Variants in MTCL1 observed in about 807,000 individuals in gnomAD.
MTCL1 encodes microtubule crosslinking factor 1, also known as microtubule cross-linking factor 1.
In MTCL1, 79 loss-of-function variants were observed where a neutral mutation model predicts 141.4. The ratio of observed to expected loss-of-function variants is 0.56; its 90% CI spans 0.47 to 0.67. The LOEUF (loss-of-function observed/expected upper bound fraction) is 0.67. Ranked by LOEUF, MTCL1 falls within the 30% of genes least tolerant of loss-of-function variation. The probability of loss-of-function intolerance (pLI) is 0.00; values close to 1 mark genes in which losing one functional copy is unlikely to be tolerated. For synonymous variants in MTCL1, 914 were observed against 875.8 expected, an observed-to-expected ratio of 1.04 and a Z score of -0.77; for missense variants, 2,177 against 2,113.9, an observed-to-expected ratio of 1.03 and a Z score of -0.59.
chr18:8,829,633 A>G (rs1303870738), intron 16 of MTCL1: 2 of 985,398 alleles, frequency 2.0e-6, no homozygotes, highest in Non-Finnish European at 2.4e-6. Context: ...GATCAAGGAT[A>G]TAGTCATCCA....
intron 1 of MTCL1, among the ~76,000 whole-genome samples, chr18:8,711,681 A>G (rs1247655703): frequency 6.6e-6 from 1 of 151,566 alleles, no homozygotes; most frequent in African/African-American, 2.4e-5. Flanking sequence ...GGCTGCATAA[A>G]TGTCTTCTTT....
chr18:8,724,065 T>C (rs2096191392), intron 4 of MTCL1, among the ~76,000 whole-genome samples: 1 of 152,158 alleles, frequency 6.6e-6, no homozygotes, highest in East Asian at 1.9e-4. Context: ...TAGAGCGAGA[T>C]AGAGGTGGTG....
Position 8,812,978 on chromosome 18 carries a change from G to T in MTCL1, c.2605-1G>T. On this transcript the variant is annotated splice_acceptor_variant, in intron 11 of 16. Transcript: ENST00000359865. LOFTEE classifies it high-confidence loss of function. ...ATTCCTAAGTCTCTTCTCCTTGACA[G>T]CTGGAAGAGAAGACTGAGAACAAGT... The T allele has an allele frequency of 6.2e-7, 1 of 1,607,682 alleles. No individual in the cohort carries two copies. The highest frequency in any genetic ancestry group is 8.5e-7 in the Non-Finnish European group (1 of 1,174,788).
chr18:8,823,695 G>T (rs149717639), intron 14 of MTCL1, among the ~76,000 whole-genome samples: 14 of 152,330 alleles, frequency 9.2e-5, no homozygotes, highest in African/African-American at 3.4e-4. Flanking sequence ...CTTTTAGCCT[G>T]CTGTTTTACC....
At chr18:8,823,732 G>A (rs1415557180) in intron 14 of MTCL1, among the ~76,000 whole-genome samples, 2 of 152,238 alleles carry the variant, frequency 1.3e-5, no homozygotes, top group Non-Finnish European at 1.5e-5. Flanking sequence ...ATGGACGGGT[G>A]CCTTGCCCCC....
intron 11 of MTCL1, chr18:8,809,664 C>T (rs2076415857): frequency 6.7e-7 from 1 of 1,494,810 alleles, no homozygotes; most frequent in Non-Finnish European, 8.9e-7. Flanking sequence ...GGCCTGGTGG[C>T]CGGTTCATGA....
At chr18:8,782,944 G>A (rs990335546) in intron 5 of MTCL1, among the ~76,000 whole-genome samples, 2 of 152,218 alleles carry the variant, frequency 1.3e-5, no homozygotes, top group Admixed American at 1.3e-4. Flanking sequence ...CCTGTCTCAG[G>A]TACCTTAGGA....
At chr18:8,788,111 C>T (rs1395442210) in intron 7 of MTCL1, among the ~76,000 whole-genome samples, 1 of 152,176 alleles carries the variant, frequency 6.6e-6, no homozygotes, top group Non-Finnish European at 1.5e-5. Flanking sequence ...GTACACAAAG[C>T]TCCCATAAGT....
intron 4 of MTCL1, among the ~76,000 whole-genome samples, chr18:8,731,041 C>T (rs1378681034): frequency 6.6e-6 from 1 of 152,018 alleles, no homozygotes; most frequent in Non-Finnish European, 1.5e-5. Context: ...GTCAGGAGAT[C>T]AAGACCATCC....
chr18:8,797,914 G>C (rs574163), intron 9 of MTCL1, among the ~76,000 whole-genome samples, 183 bp from the exon 9 acceptor site: 128,546 of 152,266 alleles, frequency 0.84, 54,564 homozygotes, highest in Middle Eastern at 0.92. Flanking sequence ...CCACCCTGTG[G>C]TCTTTAAATG....
chr18:8,827,211 C>T (rs1443901753), intron 15 of MTCL1, among the ~76,000 whole-genome samples: 2 of 152,204 alleles, frequency 1.3e-5, no homozygotes, highest in Non-Finnish European at 2.9e-5. Context: ...TCCTGGTCTG[C>T]CCGCTGCTTC....
chr18:8,771,682 T>C, intron 4 of MTCL1, among the ~76,000 whole-genome samples: 1 of 152,252 alleles, frequency 6.6e-6, no homozygotes, highest in East Asian at 1.9e-4. Flanking sequence ...AAAGTCCAAA[T>C]AATTGCCTAA....
intron 4 of MTCL1, among the ~76,000 whole-genome samples, chr18:8,724,856 C>G (rs150221705): frequency 1.3e-5 from 2 of 152,204 alleles, no homozygotes; most frequent in African/African-American, 4.8e-5. Flanking sequence ...AGAATTATCC[C>G]TTCCCACTAG....
intron 4 of MTCL1, among the ~76,000 whole-genome samples, chr18:8,742,416 G>A (rs1268923358): frequency 6.6e-6 from 1 of 152,164 alleles, no homozygotes; most frequent in Non-Finnish European, 1.5e-5. Flanking sequence ...CACATGGCTG[G>A]GGAGGCCTTA....
chr18:8,706,672 C>T, exon 1 of MTCL1: 1 of 1,546,426 alleles, frequency 6.5e-7, no homozygotes, highest in South Asian at 1.2e-5. Flanking sequence ...AGAGCTGCTG[C>T]GGGAGATGGA....
chr18:8,759,416 G>C (rs1274454180), intron 4 of MTCL1, among the ~76,000 whole-genome samples: 1 of 152,230 alleles, frequency 6.6e-6, no homozygotes, highest in Non-Finnish European at 1.5e-5. Flanking sequence ...CTGGAACATT[G>C]ACTCTTTGAG....
At chr18:8,709,198 T>TG (rs1192392732) in intron 1 of MTCL1, among the ~76,000 whole-genome samples, 2 of 129,894 alleles carry the variant, frequency 1.5e-5, no homozygotes, top group African/African-American at 2.5e-5. Context: ...CCGTTTTTTG[T>TG]GGTTTTTTTT....
At chr18:8,751,852 A>G (rs2096373181) in intron 4 of MTCL1, among the ~76,000 whole-genome samples, 1 of 152,228 alleles carries the variant, frequency 6.6e-6, no homozygotes, top group Non-Finnish European at 1.5e-5. Flanking sequence ...AAGTTGTTTC[A>G]TTGACCTGCA....
At chr18:8,748,460 T>C (rs1028147757) in intron 4 of MTCL1, among the ~76,000 whole-genome samples, 6 of 152,072 alleles carry the variant, frequency 3.9e-5, no homozygotes, top group Non-Finnish European at 8.8e-5. Context: ...GGAGGATCGT[T>C]TGAGCGCGGG....
Sources: allele counts gnomAD v4.1 joint callset (sites outside exome capture counted in the v4.1 genomes callset), GRCh38; gene constraint gnomAD v4.1.1; transcripts MANE v1.5; gene names NCBI Gene and HGNC (gene_info 2026-07-23, HGNC 2026-07-21).